The following DDX31 variants were observed in gnomAD, a reference collection of about 807,000 sequenced individuals.
The protein encoded by DDX31 is ATP-dependent DNA helicase DDX31.
Under a neutral mutation model 91.3 loss-of-function variants are expected in DDX31, and 70 were observed. The observed-to-expected ratio is 0.77, with a 90% CI of 0.63 to 0.94. DDX31 has a LOEUF of 0.94. Among genes scored for constraint, DDX31 ranks in the 40% least tolerant of loss-of-function variants. The pLI is 0.00. For synonymous variants in DDX31, 362 were observed against 350.6 expected (o/e 1.03, Z -0.36); for missense variants, 902 against 925.0 (o/e 0.98, Z 0.32).
At chr9:132,621,699 CA>C in intron 17 of DDX31, among the ~76,000 whole-genome samples, 1 of 152,350 alleles carries the variant, frequency 6.6e-6, no homozygotes. Context: ...GCAATTAAGA[CA>C]CACGTTATTT....
At chr9:132,628,613 C>T (rs1351032883) in intron 16 of DDX31, among the ~76,000 whole-genome samples, 1 of 152,214 alleles carries the variant, frequency 6.6e-6, no homozygotes, top group Non-Finnish European at 1.5e-5. Flanking sequence ...GAGAGAGGCA[C>T]CTCTGCTGTT....
chr9:132,599,736 CAG>C (rs1263644546), intron 19 of DDX31, among the ~76,000 whole-genome samples: 39 of 152,184 alleles, frequency 2.6e-4, no homozygotes, highest in Non-Finnish European at 1.5e-5. Flanking sequence ...GACAGACAGA[CAG>C]GGGTTCTTCA....
At chr9:132,664,031 C>T (rs529138471) in intron 1 of DDX31, among the ~76,000 whole-genome samples, 36 of 152,258 alleles carry the variant, frequency 2.4e-4, no homozygotes, top group Non-Finnish European at 3.7e-4. Context: ...CTGACAGTCC[C>T]GGGCAGGTGG....
intron 14 of DDX31, among the ~76,000 whole-genome samples, chr9:132,641,218 T>C (rs1409476515): frequency 6.6e-6 from 1 of 152,246 alleles, no homozygotes; most frequent in African/African-American, 2.4e-5. Context: ...AAATGTGGCC[T>C]AGATGGGCAT....
At chr9:132,598,528 G>A (rs991731471) in intron 19 of DDX31, among the ~76,000 whole-genome samples, 6 of 152,188 alleles carry the variant, frequency 3.9e-5, no homozygotes, top group African/African-American at 1.2e-4. Context: ...ACAGGCAGAT[G>A]CCACTTGCAC....
At chr9:132,606,490 T>G (rs1831032290) in intron 19 of DDX31, among the ~76,000 whole-genome samples, 1 of 152,214 alleles carries the variant, frequency 6.6e-6, no homozygotes, top group Admixed American at 6.5e-5. Context: ...CCGCGGGTAC[T>G]CGCGACAATG....
At chr9:132,616,607 G>A (rs1831641729) in intron 18 of DDX31, among the ~76,000 whole-genome samples, 1 of 152,192 alleles carries the variant, frequency 6.6e-6, no homozygotes, top group Admixed American at 6.5e-5. Flanking sequence ...GTACTGCACA[G>A]CCAGCTGAAT....
intron 8 of DDX31, 86 bp from the exon 9 acceptor site, chr9:132,650,384 A>C: frequency 1.6e-6 from 2 of 1,287,546 alleles, no homozygotes; most frequent in East Asian, 2.3e-5. Flanking sequence ...TCCTTAAACA[A>C]GGCATGGGAG....
Position 132,650,290 on chromosome 9 carries a change from G to A in DDX31, c.684C>T (p.Thr228=). The A allele has an allele frequency of 6.2e-7, 1 of 1,614,122 alleles. No homozygotes were observed. The change falls in exon 9 of 20, where the codon ACC becomes ACT. Residue 228 remains threonine (T), a synonymous_variant. Transcript: ENST00000372159. The part of the protein sequence containing the change: ...DTVQKLLKPF[T]WIVPGVLMGG... ...CCATTAACACTCCAGGCACAATCCAGGTGAAAGGCTACAGAAAGACAGCAG... is the reference window on the plus strand; with the variant it reads ...CCATTAACACTCCAGGCACAATCCAAGTGAAAGGCTACAGAAAGACAGCAG...
rs761350829 is a variant in DDX31, at chr9:132,648,450, A to G, written c.842T>C (p.Val281Ala). 6.2e-7 allele frequency: 1 copy of G among 1,613,746 alleles called. No homozygotes were observed. Among genetic ancestry groups the G allele is most frequent in the African/African-American group, 1.3e-5 (1 of 74,874 alleles). Residue 281 changes from valine (V) to alanine (A), a missense_variant, in exon 10 of 20, where the codon GTG (valine) becomes GCG (alanine). Physicochemically the swap from Val to Ala is moderately conservative, Grantham distance 64. Transcript: ENST00000372159. Reference sequence around the variant, plus strand: ...GGCTCACCTGTCTGCTTCATCAAACACCAACCACCGCAGCCGACTAAAATG... The same window carrying G: ...GGCTCACCTGTCTGCTTCATCAAACGCCAACCACCGCAGCCGACTAAAATG... The part of the protein sequence containing the change: ...NIHFSRLRWL[V>A]FDEADRILDL...
intron 14 of DDX31, among the ~76,000 whole-genome samples, chr9:132,638,565 C>A (rs2130720498): frequency 6.6e-6 from 1 of 152,304 alleles, no homozygotes; most frequent in South Asian, 2.1e-4. Context: ...TGTGTGAGGA[C>A]TCCTCGTCTT....
At chr9:132,651,177 A>G in intron 7 of DDX31, 61 bp from the exon 8 acceptor site, 4 of 1,391,774 alleles carry the variant, frequency 2.9e-6, no homozygotes, top group Non-Finnish European at 4.0e-6. Context: ...TTTTTTAAAG[A>G]CAATTTAATG....
intron 18 of DDX31, among the ~76,000 whole-genome samples, chr9:132,616,040 C>A (rs1831606815): frequency 1.3e-5 from 2 of 152,172 alleles, no homozygotes; most frequent in South Asian, 2.1e-4. Context: ...AGAGTGTCTC[C>A]ACCTATGGGG....
At chr9:132,644,998 T>A (rs982264141) in intron 13 of DDX31, among the ~76,000 whole-genome samples, 1 of 152,242 alleles carries the variant, frequency 6.6e-6, no homozygotes, top group African/African-American at 2.4e-5. Flanking sequence ...TGGACTTGTT[T>A]AGGATCGTGT....
At chr9:132,629,999 C>A (rs1375521643) in intron 16 of DDX31, among the ~76,000 whole-genome samples, 1 of 152,350 alleles carries the variant, frequency 6.6e-6, no homozygotes, top group East Asian at 1.9e-4. Context: ...ACTTATCTTG[C>A]AGCAGGAGAA....
Position 132,630,338 on chromosome 9 carries a change from G to A in DDX31, c.1557C>T (p.Cys519=). Residue 519 remains cysteine (C), a synonymous_variant, in exon 16 of 20, where the codon TGC becomes TGT. Coordinates refer to ENST00000372159, the MANE Select transcript of DDX31 (RefSeq NM_022779.9). ...HRIGRTARIG[C]HGSSLLILAP... is the part of the protein sequence containing the mutation. ...CCAAAATGAGCAGGCTGCTCCCATG[G>A]CAGCCAATCCGGGCGGTTCTTCCAA... 6.2e-7 allele frequency: 1 copy of A among 1,604,450 alleles called. No homozygotes were observed. The highest frequency in any genetic ancestry group is 8.5e-7 in the Non-Finnish European group (1 of 1,172,134).
chr9:132,610,405 G>C (rs1163020242), intron 19 of DDX31, among the ~76,000 whole-genome samples: 2 of 152,156 alleles, frequency 1.3e-5, no homozygotes, highest in Admixed American at 6.5e-5. Flanking sequence ...AATTACTGGA[G>C]CATTGTCCTA....
intron 16 of DDX31, among the ~76,000 whole-genome samples, chr9:132,629,275 A>G (rs1832582885): frequency 6.6e-6 from 1 of 152,268 alleles, no homozygotes; most frequent in Non-Finnish European, 1.5e-5. Flanking sequence ...AGGAAAACCC[A>G]AACTATTATT....
chr9:132,651,006 A>T (rs373273594), intron 8 of DDX31, 69 bp downstream of exon 8: 16 of 1,330,656 alleles, frequency 1.2e-5, no homozygotes, highest in Non-Finnish European at 1.7e-5. Context: ...TAAAGAATAG[A>T]CTGTAGTATA....
Sources: gnomAD v4.1 joint callset for allele counts (sites outside exome capture counted in the v4.1 genomes callset) on GRCh38, gnomAD v4.1.1 for gene constraint, MANE v1.5 for transcripts, NCBI Gene and HGNC (gene_info 2026-07-23, HGNC 2026-07-21) for gene names.